The following ROBO2 variants were observed in gnomAD, a reference collection of about 807,000 sequenced individuals.
ROBO2 encodes the protein roundabout homolog 2.
A neutral mutation model predicts 160.8 loss-of-function variants in ROBO2; 53 were observed. The observed-to-expected ratio is 0.33, with a 90% CI of 0.26 to 0.41. The LOEUF (loss-of-function observed/expected upper bound fraction) is 0.41. Among genes scored for constraint, ROBO2 ranks in the 10% least tolerant of loss-of-function variants. The probability of loss-of-function intolerance (pLI) is 1.00; values close to 1 mark genes in which losing one functional copy is unlikely to be tolerated. For missense variants in ROBO2, 1,577 were observed against 1,722.4 expected, an observed-to-expected ratio of 0.92 and a Z score of 1.49; for synonymous variants, 664 against 611.7, an observed-to-expected ratio of 1.09 and a Z score of -1.26.
intron 2 of ROBO2, among the ~76,000 whole-genome samples, chr3:77,460,131 G>C (rs970644065): frequency 1.3e-5 from 2 of 152,014 alleles, no homozygotes; most frequent in African/African-American, 4.8e-5. Context: ...AAAATGACAG[G>C]GGCGGAAGTC....
intron 2 of ROBO2, among the ~76,000 whole-genome samples, chr3:76,421,371 A>T (rs2108927218): frequency 6.6e-6 from 1 of 152,344 alleles, no homozygotes; most frequent in South Asian, 2.1e-4. Context: ...AATTATTTTT[A>T]AAATAAGATT....
chr3:77,411,348 C>A (rs929011062), intron 2 of ROBO2, among the ~76,000 whole-genome samples: 1 of 152,152 alleles, frequency 6.6e-6, no homozygotes, highest in African/African-American at 2.4e-5. Context: ...ATGCTTGAAG[C>A]CTTCAACCCA....
At chr3:77,182,060 G>A (rs985967347) in intron 2 of ROBO2, among the ~76,000 whole-genome samples, 3 of 151,980 alleles carry the variant, frequency 2.0e-5, no homozygotes, top group Admixed American at 2.0e-4. Context: ...TTATTTCTTT[G>A]TATACAGTTG....
intron 13 of ROBO2, among the ~76,000 whole-genome samples, chr3:77,572,665 A>ACT (rs1318502660): frequency 1.7e-4 from 25 of 151,140 alleles, no homozygotes; most frequent in African/African-American, 5.4e-4. Context: ...ACACACACAC[A>ACT]CACTCACTTA....
chr3:76,262,029 G>A (rs1706802085), intron 2 of ROBO2, among the ~76,000 whole-genome samples: 1 of 152,034 alleles, frequency 6.6e-6, no homozygotes, highest in African/African-American at 2.4e-5. Context: ...CATGCTTGTT[G>A]TCACATTTAG....
intron 1 of ROBO2, among the ~76,000 whole-genome samples, chr3:77,075,953 C>T (rs752365301): frequency 1.3e-5 from 2 of 151,938 alleles, no homozygotes; most frequent in Non-Finnish European, 2.9e-5. Context: ...GCTGGGATTA[C>T]AGGCGTGAGC....
chr3:77,322,291 C>A (rs2064797460), intron 2 of ROBO2, among the ~76,000 whole-genome samples: 1 of 152,114 alleles, frequency 6.6e-6, no homozygotes, highest in African/African-American at 2.4e-5. Context: ...ATGTTTGACA[C>A]TGTATTGTAT....
At chr3:77,014,491 G>A (rs2062113361) in intron 2 of ROBO2, among the ~76,000 whole-genome samples, 1 of 152,140 alleles carries the variant, frequency 6.6e-6, no homozygotes, top group African/African-American at 2.4e-5. Flanking sequence ...CTGCAGCCAT[G>A]TCACGCCGAT....
At chr3:75,942,875 C>G (rs1948118573) in intron 2 of ROBO2, among the ~76,000 whole-genome samples, 1 of 151,902 alleles carries the variant, frequency 6.6e-6, no homozygotes, top group African/African-American at 2.4e-5. Context: ...ATTTCAGATA[C>G]TTTCCAGACA....
At chr3:77,006,128 C>T (rs1190208966) in intron 2 of ROBO2, among the ~76,000 whole-genome samples, 1 of 151,950 alleles carries the variant, frequency 6.6e-6, no homozygotes, top group Non-Finnish European at 1.5e-5. Context: ...GTCATTCACA[C>T]ATCAGTAGTA....
In ROBO2 at chr3:76,906,592, A is replaced by G. The variant is rs780857192; in HGVS notation, c.110-191422A>G. ...CATTTGATCTGAAGAATAACACTGT[A>G]ATAGATGCTGTTGTTGTTATCCAGT... On this transcript the variant is annotated intron_variant, in intron 2 of 26. Coordinates refer to the ROBO2 transcript ENST00000487694. 1.9e-4 allele frequency among the ~76,000 whole-genome samples: 29 copies of G among 152,054 alleles called. 1 individual carries two copies. The highest frequency in any genetic ancestry group is 7.2e-4 in the Admixed American group (11 of 15,250).
intron 2 of ROBO2, among the ~76,000 whole-genome samples, chr3:77,006,317 G>GTGTGTGTT (rs1011996876): frequency 2.6e-5 from 4 of 151,206 alleles, no homozygotes; most frequent in African/African-American, 9.7e-5. Flanking sequence ...GTGTGTGTGT[G>GTGTGTGTT]TGTGTGTGTG....
intron 2 of ROBO2, among the ~76,000 whole-genome samples, chr3:76,559,753 G>A (rs1562498): frequency 0.38 from 56,989 of 151,928 alleles, 10,806 homozygotes; most frequent in Middle Eastern, 0.46. Context: ...AACAGGTGAT[G>A]TCATATGGAT....
chr3:77,446,494 A>T (rs965827221), intron 2 of ROBO2, among the ~76,000 whole-genome samples: 2 of 152,122 alleles, frequency 1.3e-5, no homozygotes, highest in Non-Finnish European at 2.9e-5. Flanking sequence ...GTACATCAAA[A>T]TAAGTATATA....
intron 2 of ROBO2, among the ~76,000 whole-genome samples, chr3:75,984,004 T>C (rs532418235): frequency 6.6e-6 from 1 of 151,624 alleles, no homozygotes; most frequent in Non-Finnish European, 1.5e-5. Flanking sequence ...ATAGCAATCT[T>C]TAAACCTTTC....
intron 2 of ROBO2, among the ~76,000 whole-genome samples, chr3:76,926,542 A>G (rs1311992818): frequency 6.6e-6 from 1 of 152,174 alleles, no homozygotes; most frequent in Non-Finnish European, 1.5e-5. Context: ...CGTTTTATAA[A>G]GTTTGTTTTC....
chr3:77,170,329 AACAT>A (rs1410023222), intron 2 of ROBO2, among the ~76,000 whole-genome samples: 2 of 152,312 alleles, frequency 1.3e-5, no homozygotes, highest in Non-Finnish European at 2.9e-5. Flanking sequence ...TTTTTAAAAG[AACAT>A]ACATATGTGT....
intron 2 of ROBO2, among the ~76,000 whole-genome samples, chr3:76,588,605 C>T (rs1578351183): frequency 1.3e-5 from 2 of 151,998 alleles, no homozygotes; most frequent in African/African-American, 4.8e-5. Flanking sequence ...TATTGGAAAA[C>T]GTTACAAATA....
At chr3:77,438,102 C>T (rs1241060977) in intron 2 of ROBO2, among the ~76,000 whole-genome samples, 1 of 151,862 alleles carries the variant, frequency 6.6e-6, no homozygotes, top group Non-Finnish European at 1.5e-5. Context: ...CAGATACAAA[C>T]TTTTCAACCT....
Sources: allele counts gnomAD v4.1 joint callset (sites outside exome capture counted in the v4.1 genomes callset), GRCh38; gene constraint gnomAD v4.1.1; transcripts MANE v1.5; gene names NCBI Gene and HGNC (gene_info 2026-07-23, HGNC 2026-07-21).